TBC1D9B: variants seen among roughly 807,000 people sequenced by gnomAD.
TBC1D9B encodes TBC1 domain family, member 9B (with GRAM domain).
Under a neutral mutation model 121.1 loss-of-function variants are expected in TBC1D9B, and 87 were observed. The observed-to-expected ratio is 0.72, with a 90% CI of 0.60 to 0.86. TBC1D9B has a LOEUF of 0.86. Ranked by LOEUF, TBC1D9B falls within the 40% of genes least tolerant of loss-of-function variation. TBC1D9B has a pLI of 0.00. For synonymous variants in TBC1D9B, 668 were observed against 670.1 expected (o/e 1.00, Z 0.05); for missense variants, 1,540 against 1,628.6 (o/e 0.95, Z 0.94).
intron 7 of TBC1D9B, among the ~76,000 whole-genome samples, chr5:179,887,519 C>T (rs746636577): frequency 5.3e-5 from 8 of 152,192 alleles, no homozygotes; most frequent in Admixed American, 1.3e-4. Flanking sequence ...GAAGAATAAA[C>T]GAGAGCTAGG....
rs1759885076 is a variant in TBC1D9B at position 179,862,873 on chromosome 5, GCACGTGTACAGC to G, written c.*563_*574del. On this transcript the variant is annotated 3_prime_UTR_variant, in exon 21 of 21. Coordinates refer to ENST00000355235, the MANE Select transcript of TBC1D9B (RefSeq NM_015043.4). ...TACTGGAAAGGATGATGAGCTGAGA[GCACGTGTACAGC>G]CACGCCTGTGCGCAGCGCCCACTCT... 1 of 329,486 alleles carries G rather than the reference GCACGTGTACAGC, an allele frequency of 3.0e-6. No individual in the cohort carries two copies. Among genetic ancestry groups the G allele is most frequent in the Non-Finnish European group, 6.2e-6 (1 of 162,282 alleles). The allele number at this position is 329,486 out of a possible 1,614,324, so 20.4% of individuals were successfully genotyped here.
Position 179,864,085 on chromosome 5 carries a change from C to T in TBC1D9B, c.3065G>A (p.Ser1022Asn). Residue 1022 changes from serine (S) to asparagine (N), a missense_variant, in exon 21 of 21, where the codon AGT becomes AAT. Ser to Asn is a conservative substitution (Grantham distance 46, BLOSUM62 1). Transcript: ENST00000355235. ...CAGGTCCTGCTCCATGGGGTCTTCA[C>T]TGAACATGTTGTAAAGCGTCTTGCA... ...ELCKTLYNMF[S>N]EDPMEQDLYH... The T allele has an allele frequency of 1.2e-6, 2 of 1,613,404 alleles. No individual in the cohort carries two copies. The highest frequency in any genetic ancestry group is 1.6e-4 in the Middle Eastern group (1 of 6,062).
At position 179,865,590 on chromosome 5, in the gene TBC1D9B, C is replaced by A; in HGVS notation, c.2915-230G>T. The A allele has an allele frequency of 1.6e-6, 1 of 617,168 alleles. No homozygotes were observed. The highest frequency in any genetic ancestry group is 2.8e-6 in the Non-Finnish European group (1 of 351,414). 38.2% of individuals were successfully genotyped at this position (617,168 alleles called of 1,614,324 possible). A position where few individuals can be genotyped will look rare whatever the true frequency, so the allele number is the denominator to read the frequency against. ...AGCTGATGACAATGATCCACAATGT[C>A]TTCTCTCAGATGGGGAGTCACAGGG... On this transcript the variant is annotated intron_variant, in intron 19 of 20. Coordinates refer to ENST00000355235, the MANE Select transcript of TBC1D9B (RefSeq NM_015043.4). This position sits in a 1 kb window ranked among gnomAD's most constrained non-coding sequence, Gnocchi z 5.1.
intron 17 of TBC1D9B, 55 bp from the exon 18 acceptor site, chr5:179,867,904 AGAGT>A (rs1760069889): frequency 6.8e-7 from 1 of 1,480,108 alleles, no homozygotes; most frequent in Non-Finnish European, 9.0e-7. Context: ...AGATCCTCTC[AGAGT>A]AAGTTCCCTC....
At chr5:179,868,905 A>T (rs1760101050) in intron 17 of TBC1D9B, 3 of 152,726 alleles carry the variant, frequency 2.0e-5, no homozygotes, top group Admixed American at 2.0e-4. Context: ...GACCAGGCCC[A>T]GTGGGGTCTG....
chr5:179,871,396 C>A (rs1760194540), intron 15 of TBC1D9B, 66 bp downstream of exon 15: 2 of 1,490,332 alleles, frequency 1.3e-6, no homozygotes, highest in East Asian at 4.6e-5. Context: ...ACTCTTAGAT[C>A]CATTTCTTTT....
rs1241897320 is a variant in TBC1D9B at position 179,907,065 on chromosome 5, G to A, written c.118+639C>T. On this transcript the variant is annotated intron_variant, in intron 1 of 20. Coordinates refer to ENST00000355235, the MANE Select transcript of TBC1D9B (RefSeq NM_015043.4). This position sits in a 1 kb window ranked among gnomAD's most constrained non-coding sequence, Gnocchi z 5.3. ...TTCATCCTGTGTGATGGTGGCACCC[G>A]GGCCCACAAAGGGCCACCTTGGCGA... Among the ~76,000 whole-genome samples, 3 of 152,150 alleles carry A rather than the reference G, an allele frequency of 2.0e-5. No homozygotes were observed. The highest frequency in any genetic ancestry group is 6.5e-5 in the Admixed American group (1 of 15,288).
chr5:179,867,396 G>T, intron 18 of TBC1D9B: 1 of 1,521,920 alleles, frequency 6.6e-7, no homozygotes. Context: ...GATAGTGCAG[G>T]AAGAGTGTTA....
chr5:179,903,587 T>C (rs927499919), intron 2 of TBC1D9B, among the ~76,000 whole-genome samples: 2 of 152,246 alleles, frequency 1.3e-5, no homozygotes, highest in African/African-American at 4.8e-5. Context: ...GACTGACCGA[T>C]ACATAACTGT....
chr5:179,903,294 G>C (rs1761213666), intron 2 of TBC1D9B, among the ~76,000 whole-genome samples: 1 of 146,062 alleles, frequency 6.8e-6, no homozygotes, highest in Non-Finnish European at 1.5e-5. Flanking sequence ...GGGTGGTTCA[G>C]GCAAGTGCCT....
At position 179,893,322 on chromosome 5, in the gene TBC1D9B, C is replaced by A. The variant is rs1201964963; in HGVS notation, c.723G>T (p.Met241Ile). ...GCATGGCCAGGTTGGCCAACTGCTC[C>A]ATGAGCTTGAAGGTCTCGCCGATGT... ...FLNIGETFKLMEQLANLAMRQ... is the reference protein window; with the variant it reads ...FLNIGETFKLIEQLANLAMRQ... The change falls in exon 5 of 21, where the codon ATG (methionine) becomes ATT (isoleucine). Residue 241 changes from methionine (M) to isoleucine (I), a missense_variant. Physicochemically the swap from Met to Ile is conservative, Grantham distance 10 (BLOSUM62 1). Transcript: ENST00000355235. The A allele has an allele frequency of 1.2e-6, 2 of 1,614,160 alleles. No individual in the cohort carries two copies. The highest frequency in any genetic ancestry group is 1.7e-6 in the Non-Finnish European group (2 of 1,180,038).
intron 8 of TBC1D9B, 158 bp from the exon 9 acceptor site, chr5:179,879,355 C>T: frequency 2.4e-6 from 3 of 1,241,396 alleles, no homozygotes; most frequent in Non-Finnish European, 2.2e-6. Context: ...CGCTGAGCCA[C>T]ACCTCCCAAG....
In TBC1D9B at chr5:179,874,552, C is replaced by T. The variant is rs772479951; in HGVS notation, c.2186+350G>A. Among the ~76,000 whole-genome samples, 1 of 152,180 alleles carries T rather than the reference C, an allele frequency of 6.6e-6. No homozygotes were observed. Among genetic ancestry groups the T allele is most frequent in the African/African-American group, 2.4e-5 (1 of 41,434 alleles). The stretch of plus-strand genomic sequence containing the variant: ...GCTTGGAGAGGTATGACCGGGACCA[C>T]CTGGTGGACATGAAATGCCCAGCTG... On this transcript the variant is annotated intron_variant, in intron 12 of 20. Transcript: ENST00000355235. The surrounding 1 kb of genome is among the most constrained non-coding windows in gnomAD (Gnocchi z 4.3).
chr5:179,870,645 G>A (rs575556630), intron 15 of TBC1D9B, 150 bp from the exon 16 acceptor site: 25 of 1,218,030 alleles, frequency 2.1e-5, no homozygotes, highest in South Asian at 1.8e-4. Context: ...AGCACCTCCC[G>A]AAAGCTCTCA....
At position 179,870,501 on chromosome 5, in the gene TBC1D9B, G is replaced by A. The variant is rs1394483144; in HGVS notation, c.2485-6C>T. 1 of 1,604,554 alleles carries A rather than the reference G, an allele frequency of 6.2e-7. No homozygotes were observed. Among genetic ancestry groups the A allele is most frequent in the Non-Finnish European group, 8.5e-7 (1 of 1,178,410 alleles). On this transcript the variant is annotated splice_region_variant and splice_polypyrimidine_tract_variant and intron_variant, in intron 15 of 20. Transcript: ENST00000355235. ...TGGCTAGCCAGGTGCTTGGCCTGTG[G>A]GACACGGTCTGGTGAGACGGTCCAG...
At chr5:179,876,896 C>T (rs1760373172) in intron 10 of TBC1D9B, among the ~76,000 whole-genome samples, 2 of 151,684 alleles carry the variant, frequency 1.3e-5, no homozygotes, top group African/African-American at 4.8e-5. Flanking sequence ...CACAGTGAGA[C>T]CCCATCTCTA....
rs745449308 is a variant in TBC1D9B at position 179,867,852 on chromosome 5, G to A, written c.2792-3C>T. On this transcript the variant is annotated splice_region_variant and splice_polypyrimidine_tract_variant and intron_variant, in intron 17 of 20. Coordinates refer to ENST00000355235, the MANE Select transcript of TBC1D9B (RefSeq NM_015043.4). ...CTCGGCTTCCTCTGGGCTCAGAGCT[G>A]TGCTTGGAGAGAAGGCAGAGTGAGG... The A allele has an allele frequency of 1.4e-5, 21 of 1,512,218 alleles. No homozygotes were observed. The highest frequency in any genetic ancestry group is 1.8e-5 in the Non-Finnish European group (20 of 1,130,530). 93.7% of individuals were successfully genotyped at this position (1,512,218 alleles called of 1,614,324 possible). A position where few individuals can be genotyped will look rare whatever the true frequency, so the allele number is the denominator to read the frequency against.
chr5:179,879,858 C>G, intron 7 of TBC1D9B, 69 bp from the exon 8 acceptor site: 1 of 1,489,950 alleles, frequency 6.7e-7, no homozygotes, highest in Admixed American at 2.3e-5. Flanking sequence ...ATGCGCCCAT[C>G]CATCCAGAGC....
chr5:179,864,598 T>C (rs1384872778), intron 20 of TBC1D9B, among the ~76,000 whole-genome samples: 1 of 89,864 alleles, frequency 1.1e-5, no homozygotes, highest in African/African-American at 4.4e-5. Flanking sequence ...GGGAGGGGGG[T>C]GCTGGGGAGG....
Sources: allele counts gnomAD v4.1 joint callset (sites outside exome capture counted in the v4.1 genomes callset), GRCh38; gene constraint gnomAD v4.1.1; non-coding constraint Gnocchi (gnomAD v3.1); transcripts MANE v1.5; gene names NCBI Gene and HGNC (gene_info 2026-07-23, HGNC 2026-07-21).